Variants in MEI4 observed in about 807,000 individuals in gnomAD.
MEI4 encodes the protein meiosis-specific protein MEI4.
A neutral mutation model predicts 31.4 loss-of-function variants in MEI4; 27 were observed. The ratio of observed to expected loss-of-function variants is 0.86; its 90% CI spans 0.63 to 1.19. The LOEUF (loss-of-function observed/expected upper bound fraction) is 1.19. MEI4 is among the 50% of genes most tolerant of loss of function. The probability of loss-of-function intolerance (pLI) is 0.00; values close to 1 mark genes in which losing one functional copy is unlikely to be tolerated. For synonymous variants in MEI4, 122 were observed against 145.4 expected, an observed-to-expected ratio of 0.84 and a Z score of 1.16; for missense variants, 329 against 398.9, an observed-to-expected ratio of 0.82 and a Z score of 1.49.
chr6:77,746,451 G>C (rs1173144065), intron 2 of MEI4, among the ~76,000 whole-genome samples: 1 of 152,068 alleles, frequency 6.6e-6, no homozygotes, highest in African/African-American at 2.4e-5. Context: ...CTTGAGCTGG[G>C]ACATGGCATT....
At chr6:77,711,258 G>C (rs1288110036) in intron 2 of MEI4, among the ~76,000 whole-genome samples, 2 of 152,080 alleles carry the variant, frequency 1.3e-5, no homozygotes, top group Admixed American at 1.3e-4. Context: ...CACAGAAAAT[G>C]CTAAGTATGT....
At chr6:77,862,629 T>G (rs1770896188) in intron 4 of MEI4, among the ~76,000 whole-genome samples, 2 of 152,308 alleles carry the variant, frequency 1.3e-5, no homozygotes, top group Non-Finnish European at 2.9e-5. Context: ...TGCCTGCCTC[T>G]GTAGACTCCA....
At chr6:77,690,958 G>A (rs1769146506) in intron 2 of MEI4, 55 bp downstream of exon 2, 1 of 923,264 alleles carries the variant, frequency 1.1e-6, no homozygotes. Flanking sequence ...TATTTCAGTT[G>A]CACAATTATT....
chr6:77,672,018 T>C (rs1768752678), intron 1 of MEI4, among the ~76,000 whole-genome samples: 1 of 152,196 alleles, frequency 6.6e-6, no homozygotes, highest in African/African-American at 2.4e-5. Flanking sequence ...TTTTGTTTAG[T>C]GACATGCATA....
chr6:77,908,282 G>T (rs189888555), intron 4 of MEI4, among the ~76,000 whole-genome samples: 1 of 152,202 alleles, frequency 6.6e-6, no homozygotes, highest in East Asian at 1.9e-4. Context: ...ATGGTTTTAG[G>T]TCTAACATTT....
intron 2 of MEI4, among the ~76,000 whole-genome samples, chr6:77,743,101 C>T (rs527633946): frequency 0.032 from 4,832 of 152,056 alleles, 248 homozygotes; most frequent in African/African-American, 0.11. Flanking sequence ...CTTGGCGATG[C>T]GGGCTCTTTT....
At chr6:77,907,876 G>C (rs1485957716) in intron 4 of MEI4, among the ~76,000 whole-genome samples, 5 of 151,942 alleles carry the variant, frequency 3.3e-5, no homozygotes, top group African/African-American at 1.2e-4. Context: ...TTGTGGTTTT[G>C]ATCTGCATTT....
chr6:77,653,516 T>A (rs1018402291), intron 1 of MEI4, among the ~76,000 whole-genome samples: 1 of 152,236 alleles, frequency 6.6e-6, no homozygotes, highest in African/African-American at 2.4e-5. Context: ...AAGGTACTAT[T>A]GCTGCTATGA....
chr6:77,655,837 C>G (rs1430972202), intron 1 of MEI4, among the ~76,000 whole-genome samples: 1 of 151,920 alleles, frequency 6.6e-6, no homozygotes, highest in Non-Finnish European at 1.5e-5. Flanking sequence ...TCGCTCTGTT[C>G]TTATGTCCAT....
chr6:77,832,930 C>A (rs1582194952), intron 4 of MEI4, among the ~76,000 whole-genome samples: 1 of 152,020 alleles, frequency 6.6e-6, no homozygotes, highest in Non-Finnish European at 1.5e-5. Context: ...TATTCTGTGA[C>A]CATTGAATCA....
intron 3 of MEI4, among the ~76,000 whole-genome samples, chr6:77,785,846 C>A (rs1768722474): frequency 6.6e-6 from 1 of 152,102 alleles, no homozygotes; most frequent in African/African-American, 2.4e-5. Context: ...AAATAGTCAT[C>A]AGCTTTGTTG....
intron 2 of MEI4, among the ~76,000 whole-genome samples, chr6:77,736,786 G>A (rs1315074167): frequency 2.6e-5 from 4 of 152,056 alleles, no homozygotes; most frequent in African/African-American, 9.7e-5. Flanking sequence ...TACCCAATGA[G>A]ACCCTGTAGT....
chr6:77,732,359 G>T (rs1307035514), intron 2 of MEI4, among the ~76,000 whole-genome samples: 1 of 151,946 alleles, frequency 6.6e-6, no homozygotes, highest in African/African-American at 2.4e-5. Context: ...TTGTAATTTG[G>T]ATTCCTAGGT....
chr6:77,665,970 G>T (rs923399142), intron 1 of MEI4, among the ~76,000 whole-genome samples: 10 of 152,116 alleles, frequency 6.6e-5, no homozygotes, highest in Non-Finnish European at 1.0e-4. Context: ...CCCAAGGGAG[G>T]TCCCCCGATC....
intron 3 of MEI4, among the ~76,000 whole-genome samples, chr6:77,796,600 C>A (rs1386495013): frequency 1.3e-5 from 2 of 152,084 alleles, no homozygotes; most frequent in Non-Finnish European, 2.9e-5. Flanking sequence ...ATCAAGGAAG[C>A]AATCCCATTT....
intron 4 of MEI4, among the ~76,000 whole-genome samples, chr6:77,904,496 G>A (rs952142671): frequency 3.3e-5 from 5 of 151,336 alleles, no homozygotes; most frequent in Admixed American, 6.6e-5. Flanking sequence ...AGTATCTATT[G>A]CTCTTCTCTT....
At chr6:77,813,080 A>T (rs1769611953) in intron 3 of MEI4, among the ~76,000 whole-genome samples, 1 of 152,106 alleles carries the variant, frequency 6.6e-6, no homozygotes, top group African/African-American at 2.4e-5. Flanking sequence ...GGTTGGATAA[A>T]AATCTTATCT....
intron 4 of MEI4, among the ~76,000 whole-genome samples, chr6:77,864,778 A>AT (rs1459000260): frequency 1.3e-5 from 2 of 152,144 alleles, no homozygotes; most frequent in African/African-American, 2.4e-5. Context: ...CAGAATATAC[A>AT]TTTTTTTCAG....
At chr6:77,892,662 T>G (rs1268627963) in intron 4 of MEI4, among the ~76,000 whole-genome samples, 2 of 152,152 alleles carry the variant, frequency 1.3e-5, no homozygotes, top group Non-Finnish European at 2.9e-5. Flanking sequence ...TTTCCTAGGC[T>G]ATAGGACACT....
Sources: gnomAD v4.1 joint callset for allele counts (sites outside exome capture counted in the v4.1 genomes callset) on GRCh38, gnomAD v4.1.1 for gene constraint, MANE v1.5 for transcripts, NCBI Gene and HGNC (gene_info 2026-07-23, HGNC 2026-07-21) for gene names.